The following HLCS variants were observed in gnomAD, a reference collection of about 807,000 sequenced individuals.
HLCS encodes the protein holocarboxylase synthetase, also known as biotin--protein ligase.
A neutral mutation model predicts 75.0 loss-of-function variants in HLCS; 53 were observed. The observed-to-expected ratio is 0.71, with a 90% CI of 0.57 to 0.89. The LOEUF (loss-of-function observed/expected upper bound fraction) is 0.89. Ranked by LOEUF, HLCS falls within the 40% of genes least tolerant of loss-of-function variation. The probability of loss-of-function intolerance (pLI) is 0.00; values close to 1 mark genes in which losing one functional copy is unlikely to be tolerated. For synonymous variants in HLCS, 431 were observed against 428.6 expected, an observed-to-expected ratio of 1.01 and a Z score of -0.07; for missense variants, 966 against 1,074.0, an observed-to-expected ratio of 0.90 and a Z score of 1.41.
intron 1 of HLCS, among the ~76,000 whole-genome samples, chr21:36,964,338 T>C (rs1156298482): frequency 1.3e-5 from 2 of 152,232 alleles, no homozygotes; most frequent in Admixed American, 6.5e-5. Flanking sequence ...AACCTGATCA[T>C]ATTTTAAATC....
At chr21:36,934,384 T>A (rs2066784996) in intron 4 of HLCS, among the ~76,000 whole-genome samples, 1 of 152,204 alleles carries the variant, frequency 6.6e-6, no homozygotes, top group Non-Finnish European at 1.5e-5. Context: ...ATGTCAATAG[T>A]GCCATGGTTG....
At chr21:36,912,427 T>C in intron 5 of HLCS, among the ~76,000 whole-genome samples, 1 of 151,990 alleles carries the variant, frequency 6.6e-6, no homozygotes, top group Non-Finnish European at 1.5e-5. Context: ...TTGTATGAAA[T>C]ATCCAGAATA....
chr21:36,838,055 AT>A (rs1222863764), intron 6 of HLCS, among the ~76,000 whole-genome samples: 2 of 151,988 alleles, frequency 1.3e-5, no homozygotes, highest in African/African-American at 2.4e-5. Flanking sequence ...TTTAGAAACT[AT>A]TTTTTTTAGG....
At chr21:36,908,567 T>G (rs1421877636) in intron 5 of HLCS, among the ~76,000 whole-genome samples, 2 of 152,130 alleles carry the variant, frequency 1.3e-5, no homozygotes, top group African/African-American at 2.4e-5. Flanking sequence ...ATTCTACTCC[T>G]AGGTATTTAC....
intron 4 of HLCS, among the ~76,000 whole-genome samples, chr21:36,930,696 T>TATC (rs1432194286): frequency 1.3e-5 from 2 of 152,228 alleles, no homozygotes; most frequent in East Asian, 1.9e-4. Context: ...CACACCCAGA[T>TATC]AGCTCATAGC....
intron 6 of HLCS, among the ~76,000 whole-genome samples, chr21:36,836,923 G>A (rs1006363161): frequency 2.0e-5 from 3 of 152,120 alleles, no homozygotes; most frequent in Non-Finnish European, 2.9e-5. Context: ...GGTGGTTCAC[G>A]CCTGTAATCC....
At chr21:36,967,966 C>A (rs1259982643), upstream of HLCS, among the ~76,000 whole-genome samples, 1 of 151,968 alleles carries the variant, frequency 6.6e-6, no homozygotes, top group Non-Finnish European at 1.5e-5. Flanking sequence ...GTGATCCACC[C>A]GCCTCTGCCT....
intron 2 of HLCS, among the ~76,000 whole-genome samples, chr21:36,957,110 T>C (rs2068006100): frequency 1.3e-5 from 2 of 150,724 alleles, no homozygotes; most frequent in Admixed American, 1.3e-4. Context: ...TGGAAGTTTG[T>C]CCCCTCCAAA....
intron 6 of HLCS, among the ~76,000 whole-genome samples, chr21:36,883,819 G>C (rs887398022): frequency 1.3e-5 from 2 of 152,070 alleles, no homozygotes; most frequent in African/African-American, 4.8e-5. Context: ...TGCCAGGTCC[G>C]ACCCGCAGAC....
chr21:36,824,256 G>A (rs768847552), intron 6 of HLCS, among the ~76,000 whole-genome samples: 8 of 152,180 alleles, frequency 5.3e-5, no homozygotes, highest in East Asian at 3.9e-4. Context: ...AATACTATGC[G>A]GCCATAAAAA....
intron 5 of HLCS, among the ~76,000 whole-genome samples, chr21:36,926,111 C>CA (rs1337294721): frequency 2.0e-5 from 3 of 152,326 alleles, no homozygotes; most frequent in Middle Eastern, 3.4e-3. Context: ...TGTGGTGTAT[C>CA]AGTCTCTCAC....
At chr21:36,769,933 T>C (rs552751282) in intron 6 of HLCS, among the ~76,000 whole-genome samples, 5 of 152,144 alleles carry the variant, frequency 3.3e-5, no homozygotes, top group South Asian at 4.1e-4. Context: ...CCTAAGAAAA[T>C]AGTCCACATT....
At chr21:36,938,809 A>G in intron 3 of HLCS, 23 bp downstream of exon 3, 1 of 1,613,338 alleles carries the variant, frequency 6.2e-7, no homozygotes, top group Non-Finnish European at 8.5e-7. Flanking sequence ...TGGCCAATAA[A>G]AACATTTTCT....
At chr21:36,865,174 C>T (rs956009856) in intron 6 of HLCS, among the ~76,000 whole-genome samples, 3 of 151,926 alleles carry the variant, frequency 2.0e-5, no homozygotes, top group Non-Finnish European at 4.4e-5. Context: ...CCACTGACAT[C>T]TGCTCGGGCG....
chr21:36,888,876 G>A (rs2064647429), intron 6 of HLCS, among the ~76,000 whole-genome samples: 2 of 151,782 alleles, frequency 1.3e-5, no homozygotes, highest in Non-Finnish European at 2.9e-5. Context: ...TCAGAAACAA[G>A]GCCCAACACA....
At chr21:36,805,966 T>C (rs904802668) in intron 6 of HLCS, 1 of 152,236 alleles carries the variant, frequency 6.6e-6, no homozygotes. Context: ...TGGCTCCTAT[T>C]ACAGTTTGCA....
At chr21:36,906,766 T>G (rs1352770982) in intron 5 of HLCS, among the ~76,000 whole-genome samples, 1 of 151,900 alleles carries the variant, frequency 6.6e-6, no homozygotes, top group East Asian at 1.9e-4. Context: ...AACAAAAAGT[T>G]GGAAAACCTA....
chr21:36,781,268 A>AG (rs1336298103), intron 6 of HLCS, among the ~76,000 whole-genome samples: 1 of 152,000 alleles, frequency 6.6e-6, no homozygotes, highest in Non-Finnish European at 1.5e-5. Context: ...TCAAAAAAAA[A>AG]AAAAAAAAAG....
At position 36,952,745 on chromosome 21, in the gene HLCS, C is replaced by T. The variant is rs572714614; in HGVS notation, c.330+9291G>A. The stretch of plus-strand genomic sequence containing the variant: ...GTCGGAGGTTGCAGTGAGCTGAGAT[C>T]GTGCCACTGCACTCCAGCCTGGTGA... On this transcript the variant is annotated intron_variant, in intron 2 of 10. Transcript: ENST00000674895. Among the ~76,000 whole-genome samples, 8 of 142,360 alleles carry T rather than the reference C, an allele frequency of 5.6e-5. No individual in the cohort carries two copies. The East Asian group carries it at 1.3e-3, about 22-fold the overall frequency. 93.4% of individuals were successfully genotyped at this position (142,360 alleles called of 152,430 possible).
Sources: allele counts gnomAD v4.1 joint callset (sites outside exome capture counted in the v4.1 genomes callset), GRCh38; gene constraint gnomAD v4.1.1; transcripts MANE v1.5; gene names NCBI Gene and HGNC (gene_info 2026-07-23, HGNC 2026-07-21).